The following PRAG1 variants were observed in gnomAD, a reference collection of about 807,000 sequenced individuals.
PRAG1 encodes the protein PEAK1 related, kinase-activating pseudokinase 1.
Under a neutral mutation model 95.6 loss-of-function variants are expected in PRAG1, and 110 were observed. The observed-to-expected ratio is 1.15, with a 90% CI of 0.99 to 1.35. The LOEUF is 1.35. Ranked by LOEUF, PRAG1 falls within the 40% of genes most tolerant of loss-of-function variation. The pLI, the probability that PRAG1 is intolerant of heterozygous loss-of-function variation, is 0.00. For missense variants in PRAG1, 2,554 were observed against 1,864.7 expected, an observed-to-expected ratio of 1.37 and a Z score of -6.81; for synonymous variants, 1,052 against 819.4, an observed-to-expected ratio of 1.28 and a Z score of -4.85.
intron 3 of PRAG1, among the ~76,000 whole-genome samples, chr8:8,356,093 C>T (rs1799672034): frequency 6.6e-6 from 1 of 152,100 alleles, no homozygotes; most frequent in African/African-American, 2.4e-5. Flanking sequence ...CAATAAGTAA[C>T]CATACTAAAA....
chr8:8,341,775 T>G (rs1477540518), intron 3 of PRAG1, among the ~76,000 whole-genome samples: 5 of 152,258 alleles, frequency 3.3e-5, no homozygotes, highest in Non-Finnish European at 7.3e-5. Flanking sequence ...AAATAGAGGC[T>G]AGCCCATAAT....
rs112311843 is a variant in PRAG1 at position 8,317,847 on chromosome 8, G to A, written c.*307C>T. Reference sequence around the variant, plus strand: ...TCCTAAACAAGGTATTGAGGCCAGTGTCCAGGCTGCATTCAGTTCACAGAA... The same window carrying A: ...TCCTAAACAAGGTATTGAGGCCAGTATCCAGGCTGCATTCAGTTCACAGAA... On this transcript the variant is annotated 3_prime_UTR_variant, in exon 6 of 6. Transcript: ENST00000615670. 391 of 214,546 alleles carry A rather than the reference G, an allele frequency of 1.8e-3. No individual in the cohort carries two copies. Among genetic ancestry groups the A allele is most frequent in the African/African-American group, 8.4e-3 (365 of 43,530 alleles). 13.3% of individuals were successfully genotyped at this position (214,546 alleles called of 1,614,324 possible).
intron 5 of PRAG1, among the ~76,000 whole-genome samples, chr8:8,321,674 A>C (rs1798475741): frequency 6.6e-6 from 1 of 152,228 alleles, no homozygotes; most frequent in Non-Finnish European, 1.5e-5. Flanking sequence ...TGGGGCTTCC[A>C]GAAGTTAAAT....
intron 3 of PRAG1, among the ~76,000 whole-genome samples, chr8:8,342,386 C>T (rs1286984715): frequency 1.3e-5 from 2 of 151,684 alleles, no homozygotes; most frequent in Non-Finnish European, 2.9e-5. Flanking sequence ...TTAGTAGAGA[C>T]GGGGTTTCAC....
chr8:8,366,459 G>A (rs903342250), intron 3 of PRAG1, among the ~76,000 whole-genome samples: 2 of 151,942 alleles, frequency 1.3e-5, no homozygotes, highest in East Asian at 1.9e-4. Flanking sequence ...GATTACATGC[G>A]TCTGCCACAA....
chr8:8,322,297 C>T (rs1386782216), intron 5 of PRAG1, among the ~76,000 whole-genome samples: 2 of 152,160 alleles, frequency 1.3e-5, no homozygotes, highest in African/African-American at 4.8e-5. Context: ...TCTTCTGCCT[C>T]AGCCTCCTGA....
chr8:8,342,548 C>T lies in PRAG1; in HGVS notation c.2163-2913G>A, dbSNP rs374159801. On this transcript the variant is annotated intron_variant, in intron 3 of 5. Transcript: ENST00000615670. The stretch of plus-strand genomic sequence containing the variant: ...ACATTATGTGTTCTCTGAAAGATTG[C>T]GAAAACTACCCTGTAAAACCATCAA... Among the ~76,000 whole-genome samples the T allele has an allele frequency of 7.2e-5, 11 of 152,092 alleles. No individual in the cohort carries two copies. In the East Asian group the frequency reaches 9.7e-4, roughly 13 times the overall value.
rs1274993203 is a variant in PRAG1, at chr8:8,328,091, C to T, written c.2691G>A (p.Gly897=). 1 of 1,610,414 alleles carries T rather than the reference C, an allele frequency of 6.2e-7. No individual in the cohort carries two copies. The highest frequency in any genetic ancestry group is 8.5e-7 in the Non-Finnish European group (1 of 1,177,358). Reference sequence around the variant, plus strand: ...CGCAGCCGCCTCTGTTGCCCGCCAGCCCTGCTGCCGGAAGCCAGTGGCCAC... The same window carrying T: ...CGCAGCCGCCTCTGTTGCCCGCCAGTCCTGCTGCCGGAAGCCAGTGGCCAC... ...KGSGHWLPAA[G]LAGNRGGCGS... The change falls in exon 5 of 6, where the codon GGG becomes GGA. Residue 897 remains glycine, a synonymous_variant. Coordinates refer to ENST00000615670, the MANE Select transcript of PRAG1 (RefSeq NM_001080826.3).
At chr8:8,337,081 A>G (rs571069541) in intron 4 of PRAG1, among the ~76,000 whole-genome samples, 13 of 152,224 alleles carry the variant, frequency 8.5e-5, no homozygotes, top group Non-Finnish European at 1.6e-4. Flanking sequence ...AATGAAACGC[A>G]TAGTTTTCAC....
intron 3 of PRAG1, among the ~76,000 whole-genome samples, chr8:8,347,377 C>T (rs1322358189): frequency 6.6e-6 from 1 of 152,236 alleles, no homozygotes; most frequent in Non-Finnish European, 1.5e-5. Context: ...AAATGCACTT[C>T]CTGCAAAAGC....
chr8:8,381,667 G>T lies in PRAG1; in HGVS notation c.81C>A (p.Pro27=), dbSNP rs780755727. 1 of 1,613,786 alleles carries T rather than the reference G, an allele frequency of 6.2e-7. No individual in the cohort carries two copies. Among genetic ancestry groups the T allele is most frequent in the Admixed American group, 1.7e-5 (1 of 60,000 alleles). ...GGCAGAAGCAGTTCTTGCAGGACCC[G>T]GGTTTCCAGATGTGCTCCACAAAGT... ...CSDFVEHIWK[P]GSCKNCFCLR... Residue 27 remains proline (P), a synonymous_variant, in exon 2 of 6, where the codon CCC becomes CCA. Coordinates refer to ENST00000615670, the MANE Select transcript of PRAG1 (RefSeq NM_001080826.3).
chr8:8,325,426 G>A (rs1165329989), intron 5 of PRAG1, among the ~76,000 whole-genome samples: 2 of 152,144 alleles, frequency 1.3e-5, no homozygotes, highest in Non-Finnish European at 2.9e-5. Flanking sequence ...CTGTTTAGAG[G>A]GCTAAGGCTT....
At chr8:8,341,681 C>T (rs1799167623) in intron 3 of PRAG1, among the ~76,000 whole-genome samples, 1 of 152,198 alleles carries the variant, frequency 6.6e-6, no homozygotes, top group African/African-American at 2.4e-5. Flanking sequence ...GCCATCCTTG[C>T]ACATGTTGTA....
At position 8,318,083 on chromosome 8, in the gene PRAG1, G is replaced by A; in HGVS notation, c.*71C>T. 6.8e-7 allele frequency: 1 copy of A among 1,461,268 alleles called. No individual in the cohort carries two copies. Among genetic ancestry groups the A allele is most frequent in the Admixed American group, 2.4e-5 (1 of 41,502 alleles). 90.5% of individuals were successfully genotyped at this position (1,461,268 alleles called of 1,614,324 possible). A position where few individuals can be genotyped will look rare whatever the true frequency, so the allele number is the denominator to read the frequency against. The stretch of plus-strand genomic sequence containing the variant: ...CTGTACCATTTCCCAGGGAGACATG[G>A]GTGCTTCCAAGGCGAGACAGGAAAG... On this transcript the variant is annotated 3_prime_UTR_variant, in exon 6 of 6. Transcript: ENST00000615670. The surrounding 1 kb of genome is among the most constrained non-coding windows in gnomAD (Gnocchi z 4.2).
At chr8:8,357,586 A>T (rs1032956541) in intron 3 of PRAG1, among the ~76,000 whole-genome samples, 2 of 152,226 alleles carry the variant, frequency 1.3e-5, no homozygotes, top group African/African-American at 2.4e-5. Context: ...GTGCACTGTC[A>T]GTGGGAATAC....
chr8:8,381,659 C>G lies in PRAG1; in HGVS notation c.89G>C (p.Cys30Ser). The G allele has an allele frequency of 6.2e-7, 1 of 1,613,906 alleles. No homozygotes were observed. Among genetic ancestry groups the G allele is most frequent in the South Asian group, 1.1e-5 (1 of 91,036 alleles). ...GCTCCGCAGGCAGAAGCAGTTCTTGCAGGACCCGGGTTTCCAGATGTGCTC... is the reference window on the plus strand; with the variant it reads ...GCTCCGCAGGCAGAAGCAGTTCTTGGAGGACCCGGGTTTCCAGATGTGCTC... ...FVEHIWKPGS[C>S]KNCFCLRSDH... is the part of the protein sequence containing the mutation. Residue 30 changes from cysteine (C) to serine (S), a missense_variant, in exon 2 of 6, where the codon TGC becomes TCC. Physicochemically the swap from Cys to Ser is moderately radical, Grantham distance 112. Coordinates refer to ENST00000615670, the MANE Select transcript of PRAG1 (RefSeq NM_001080826.3).
chr8:8,355,249 G>A (rs1799646630), intron 3 of PRAG1, among the ~76,000 whole-genome samples: 1 of 152,098 alleles, frequency 6.6e-6, no homozygotes, highest in African/African-American at 2.4e-5. Context: ...AACATTAAAT[G>A]CAAGAAATTG....
At chr8:8,324,843 G>A (rs1313221060) in intron 5 of PRAG1, among the ~76,000 whole-genome samples, 3 of 152,004 alleles carry the variant, frequency 2.0e-5, no homozygotes, top group South Asian at 2.1e-4. Flanking sequence ...AAACTGCTTC[G>A]AAGACGCACA....
Position 8,377,009 on chromosome 8 carries a change from G to A in PRAG1, c.1400C>T (p.Thr467Ile), listed in dbSNP as rs767073104. ...TGTGATGGTGGCTGACACCTGGGGAGTTGGGTCTGGGCTGTCCCGGCCCCA... is the reference window on the plus strand; with the variant it reads ...TGTGATGGTGGCTGACACCTGGGGAATTGGGTCTGGGCTGTCCCGGCCCCA... ...SGWGRDSPDP[T>I]PQVSATITVM... Residue 467 changes from threonine (T) to isoleucine (I), a missense_variant, in exon 3 of 6, where the codon ACT (threonine) becomes ATT (isoleucine). Physicochemically the swap from Thr to Ile is moderately conservative, Grantham distance 89. Transcript: ENST00000615670. 4.3e-6 allele frequency: 7 copies of A among 1,613,888 alleles called. No homozygotes were observed. The South Asian group carries it at 7.7e-5, about 18-fold the overall frequency.
Sources: allele counts gnomAD v4.1 joint callset (sites outside exome capture counted in the v4.1 genomes callset), GRCh38; gene constraint gnomAD v4.1.1; non-coding constraint Gnocchi (gnomAD v3.1); transcripts MANE v1.5; gene names NCBI Gene and HGNC (gene_info 2026-07-23, HGNC 2026-07-21).